Variants in LHFPL2 observed in about 807,000 individuals in gnomAD.
LHFPL2 encodes the protein LHFPL tetraspan subfamily member 2.
Under a neutral mutation model 17.5 loss-of-function variants are expected in LHFPL2, and 7 were observed. The observed-to-expected ratio is 0.40, with a 90% confidence interval of 0.23 to 0.75. The LOEUF is 0.75. LHFPL2 is among the 30% of genes least tolerant of loss of function. The pLI, the probability that LHFPL2 is intolerant of heterozygous loss-of-function variation, is 0.37. For synonymous variants in LHFPL2, 134 were observed against 116.2 expected (o/e 1.15, Z -0.99); for missense variants, 241 against 294.8 (o/e 0.82, Z 1.34).
intron 2 of LHFPL2, among the ~76,000 whole-genome samples, chr5:78,576,383 A>C (rs1339052748): frequency 2.0e-5 from 3 of 152,238 alleles, no homozygotes; most frequent in African/African-American, 7.2e-5. Context: ...AAAGTAAATA[A>C]ATACGTAAAG....
At chr5:78,543,493 T>A (rs534452593) in intron 3 of LHFPL2, among the ~76,000 whole-genome samples, 1 of 152,224 alleles carries the variant, frequency 6.6e-6, no homozygotes, top group African/African-American at 2.4e-5. Context: ...CAGGTGGGCC[T>A]CCACCTGGCC....
At chr5:78,556,383 C>G (rs1756572589) in intron 3 of LHFPL2, among the ~76,000 whole-genome samples, 1 of 152,078 alleles carries the variant, frequency 6.6e-6, no homozygotes, top group Non-Finnish European at 1.5e-5. Context: ...TTTAGGAAAA[C>G]ATTAGATGTG....
At chr5:78,623,974 G>T (rs1744948205) in intron 2 of LHFPL2, among the ~76,000 whole-genome samples, 1 of 152,192 alleles carries the variant, frequency 6.6e-6, no homozygotes, top group African/African-American at 2.4e-5. Flanking sequence ...ACTTCCTAAA[G>T]GCCTGGTTTT....
intron 3 of LHFPL2, among the ~76,000 whole-genome samples, chr5:78,517,503 A>C (rs186369151): frequency 1.3e-5 from 2 of 152,348 alleles, no homozygotes; most frequent in East Asian, 1.9e-4. Flanking sequence ...TTTATAAAGG[A>C]AAGAGGTTTA....
chr5:78,507,535 C>T (rs1239680132), intron 4 of LHFPL2, among the ~76,000 whole-genome samples: 3 of 152,142 alleles, frequency 2.0e-5, no homozygotes, highest in South Asian at 2.1e-4. Context: ...TGTAAACAGT[C>T]TTGAAGGATA....
intron 3 of LHFPL2, among the ~76,000 whole-genome samples, chr5:78,516,724 A>T (rs1755303256): frequency 6.6e-6 from 1 of 152,222 alleles, no homozygotes; most frequent in Non-Finnish European, 1.5e-5. Flanking sequence ...TTTTTAAAAA[A>T]GGCCATGCTA....
intron 4 of LHFPL2, among the ~76,000 whole-genome samples, chr5:78,504,057 G>C (rs1037692860): frequency 1.3e-5 from 2 of 152,158 alleles, no homozygotes; most frequent in Non-Finnish European, 2.9e-5. Context: ...AAAGGCTGAT[G>C]AATTAGGAAA....
intron 4 of LHFPL2, among the ~76,000 whole-genome samples, chr5:78,499,306 A>G (rs1261847653): frequency 2.0e-5 from 3 of 152,242 alleles, no homozygotes; most frequent in African/African-American, 7.2e-5. Flanking sequence ...GGAGCATTTC[A>G]TGCTTGTTGA....
intron 2 of LHFPL2, among the ~76,000 whole-genome samples, chr5:78,612,370 C>A (rs946610795): frequency 6.6e-6 from 1 of 152,202 alleles, no homozygotes; most frequent in Non-Finnish European, 1.5e-5. Context: ...TCTTTCAGAA[C>A]TGGAATGCCA....
chr5:78,580,662 G>T (rs1251499263), intron 2 of LHFPL2, among the ~76,000 whole-genome samples: 2 of 152,100 alleles, frequency 1.3e-5, no homozygotes, highest in African/African-American at 4.8e-5. Flanking sequence ...TTGGAGATAT[G>T]CGGCGTTCTT....
At chr5:78,632,765 A>G (rs1286380642) in intron 1 of LHFPL2, among the ~76,000 whole-genome samples, 1 of 152,208 alleles carries the variant, frequency 6.6e-6, no homozygotes, top group Non-Finnish European at 1.5e-5. Context: ...CACGACTTTG[A>G]TGCAGCTGAT....
At chr5:78,605,178 G>A (rs181575459) in intron 2 of LHFPL2, among the ~76,000 whole-genome samples, 50 of 152,286 alleles carry the variant, frequency 3.3e-4, no homozygotes, top group African/African-American at 1.2e-3. Flanking sequence ...GCTTGGCTTG[G>A]GTTTTCGTTA....
At chr5:78,640,688 C>T (rs1458401014) in intron 1 of LHFPL2, among the ~76,000 whole-genome samples, 1 of 152,166 alleles carries the variant, frequency 6.6e-6, no homozygotes, top group Non-Finnish European at 1.5e-5. Context: ...CTCATAGCCC[C>T]ATTAAGATAA....
At chr5:78,627,905 C>T (rs976896155) in intron 2 of LHFPL2, among the ~76,000 whole-genome samples, 1 of 152,242 alleles carries the variant, frequency 6.6e-6, no homozygotes, top group Non-Finnish European at 1.5e-5. Flanking sequence ...AAGCAAAAGA[C>T]TAAGTCCCAA....
At chr5:78,512,658 C>T (rs1354358783) in intron 3 of LHFPL2, among the ~76,000 whole-genome samples, 1 of 151,950 alleles carries the variant, frequency 6.6e-6, no homozygotes, top group East Asian at 1.9e-4. Context: ...GGTGGCAAGC[C>T]CAGCCTGTTG....
At chr5:78,533,748 AT>A (rs1167920794) in intron 3 of LHFPL2, among the ~76,000 whole-genome samples, 1 of 152,232 alleles carries the variant, frequency 6.6e-6, no homozygotes, top group East Asian at 1.9e-4. Flanking sequence ...TCTGCCAAGC[AT>A]TTATCAACAC....
chr5:78,494,934 C>G (rs1008900972), intron 4 of LHFPL2, among the ~76,000 whole-genome samples: 2 of 152,202 alleles, frequency 1.3e-5, no homozygotes, highest in Non-Finnish European at 2.9e-5. Flanking sequence ...AGTCACAGTC[C>G]TGATTTCCTA....
intron 2 of LHFPL2, among the ~76,000 whole-genome samples, chr5:78,580,127 T>C (rs1743056847): frequency 6.6e-6 from 1 of 152,206 alleles, no homozygotes. Context: ...TCATGTGTTT[T>C]TTGGCTGCAT....
intron 2 of LHFPL2, among the ~76,000 whole-genome samples, chr5:78,608,318 C>G (rs1041619985): frequency 6.6e-6 from 1 of 152,156 alleles, no homozygotes; most frequent in African/African-American, 2.4e-5. Context: ...CTTTCACTGA[C>G]AAAAGCTCTC....
Sources: allele counts gnomAD v4.1 joint callset (sites outside exome capture counted in the v4.1 genomes callset), GRCh38; gene constraint gnomAD v4.1.1; transcripts MANE v1.5; gene names NCBI Gene and HGNC (gene_info 2026-07-23, HGNC 2026-07-21).